MORN1: variants seen among roughly 807,000 people sequenced by gnomAD.
The protein encoded by MORN1 is MORN repeat containing 1, also known as MORN repeat-containing protein 1.
MORN1 carries 67 observed loss-of-function variants against 61.9 expected under a neutral mutation model. The observed-to-expected ratio is 1.08, with a 90% CI of 0.89 to 1.33. The LOEUF is 1.33. Among genes scored for constraint, MORN1 ranks in the 40% most tolerant of loss-of-function variants. MORN1 has a pLI of 0.00. For missense variants in MORN1, 752 were observed against 691.2 expected (o/e 1.09, Z -0.99); for synonymous variants, 301 against 292.0 (o/e 1.03, Z -0.31).
Position 2,366,749 on chromosome 1 carries a change from T to C in MORN1, c.745+5732A>G, listed in dbSNP as rs1206090952. On this transcript the variant is annotated intron_variant, in intron 8 of 13. Coordinates refer to ENST00000378531, the MANE Select transcript of MORN1 (RefSeq NM_024848.3). Reference sequence around the variant, plus strand: ...TGGGGCTTCACCATGTTGGCCAGGCTGGTCTCAAACTCCTGACTTCAAGTG... The same window carrying C: ...TGGGGCTTCACCATGTTGGCCAGGCCGGTCTCAAACTCCTGACTTCAAGTG... Among the ~76,000 whole-genome samples, 8 of 152,234 alleles carry C rather than the reference T, an allele frequency of 5.3e-5. No individual in the cohort carries two copies. The East Asian group carries it at 1.2e-3, about 22-fold the overall frequency.
intron 6 of MORN1, among the ~76,000 whole-genome samples, chr1:2,380,737 G>A (rs1014767107): frequency 6.6e-6 from 1 of 152,030 alleles, no homozygotes; most frequent in Non-Finnish European, 1.5e-5. Flanking sequence ...AACTTCTTTT[G>A]TAGAGACAGG....
intron 10 of MORN1, among the ~76,000 whole-genome samples, chr1:2,345,993 GGAACCTTCCTCAGACAAAGCCA>G (rs1641507687): frequency 7.0e-6 from 1 of 141,930 alleles, no homozygotes; most frequent in Non-Finnish European, 1.6e-5. Context: ...AAAGCCACCA[GGAACCTTCCTCAGACAAAGCCA>G]CCAGGAACCT....
At chr1:2,385,255 C>A (rs992169536) in intron 5 of MORN1, 190 bp from the exon 6 acceptor site, 4 of 604,382 alleles carry the variant, frequency 6.6e-6, no homozygotes, top group Non-Finnish European at 1.2e-5. Context: ...GGTGGGGACA[C>A]GTCCGCCCAC....
At chr1:2,344,601 C>T (rs539409279) in intron 10 of MORN1, among the ~76,000 whole-genome samples, 140 of 152,304 alleles carry the variant, frequency 9.2e-4, no homozygotes, top group African/African-American at 3.2e-3. Context: ...CACACTGGTC[C>T]CTGCTGGCCT....
At chr1:2,381,121 A>C (rs113159605) in intron 6 of MORN1, among the ~76,000 whole-genome samples, 10 of 152,244 alleles carry the variant, frequency 6.6e-5, no homozygotes, top group African/African-American at 2.2e-4. Flanking sequence ...CCAGAGTCCA[A>C]GGGACAGACC....
chr1:2,322,275 C>A, intron 13 of MORN1: 2 of 985,500 alleles, frequency 2.0e-6, no homozygotes, highest in Non-Finnish European at 2.4e-6. Context: ...CTCCCCTCCC[C>A]TGAGCCTGCC....
At chr1:2,342,135 T>C (rs1641407686) in intron 10 of MORN1, among the ~76,000 whole-genome samples, 1 of 152,378 alleles carries the variant, frequency 6.6e-6, no homozygotes, top group East Asian at 1.9e-4. Flanking sequence ...CCGTACGACC[T>C]CGGGGGCCTC....
chr1:2,321,945 T>G, intron 13 of MORN1: 1 of 922,384 alleles, frequency 1.1e-6, no homozygotes, highest in Non-Finnish European at 1.3e-6. Context: ...CCCTGAAGGA[T>G]TCTTTTGCAA....
In MORN1 at chr1:2,335,812, G is replaced by A. The variant is rs140520123; in HGVS notation, c.1250+657C>T. ...CGGGTCCCCAGGGCACATCAGCGGG[G>A]GCCTCCTCGCCTCCATAGCCCAGCC... On this transcript the variant is annotated intron_variant, in intron 12 of 13. Transcript: ENST00000378531. Among the ~76,000 whole-genome samples the A allele has an allele frequency of 8.3e-3, 1,171 of 141,846 alleles. 24 individuals are homozygous for A. Among genetic ancestry groups the A allele is most frequent in the African/African-American group, 0.035 (1,107 of 31,580 alleles). The allele number at this position is 141,846 out of a possible 152,430, so 93.1% of individuals were successfully genotyped here.
intron 8 of MORN1, among the ~76,000 whole-genome samples, chr1:2,365,592 A>T (rs962613619): frequency 1.3e-5 from 2 of 149,704 alleles, no homozygotes; most frequent in Non-Finnish European, 3.0e-5. Flanking sequence ...TTCCAACACT[A>T]TGTTGAATAG....
At chr1:2,336,942 C>T (rs910079903) in intron 10 of MORN1, 92 bp from the exon 11 acceptor site, 15 of 1,337,898 alleles carry the variant, frequency 1.1e-5, no homozygotes, top group Non-Finnish European at 1.4e-5. Context: ...TGGCTCTGGC[C>T]AGGGCAGCGG....
At chr1:2,355,649 G>A (rs988569337) in intron 10 of MORN1, among the ~76,000 whole-genome samples, 4 of 152,214 alleles carry the variant, frequency 2.6e-5, no homozygotes, top group African/African-American at 9.7e-5. Context: ...GGAACCTTAG[G>A]GAGAACTCGG....
At chr1:2,378,984 T>C (rs1186507517) in intron 6 of MORN1, 3 of 470,092 alleles carry the variant, frequency 6.4e-6, no homozygotes, top group South Asian at 4.6e-5. Context: ...GAAGAAGCTG[T>C]AACACGTTTA....
intron 2 of MORN1, chr1:2,388,556 G>A (rs1398338981): frequency 2.0e-6 from 1 of 507,196 alleles, no homozygotes; most frequent in Non-Finnish European, 3.5e-6. Flanking sequence ...GCCAGAACAA[G>A]CACAGGAATC....
At chr1:2,326,984 G>A (rs1641039405) in intron 12 of MORN1, among the ~76,000 whole-genome samples, 1 of 152,158 alleles carries the variant, frequency 6.6e-6, no homozygotes, top group African/African-American at 2.4e-5. Context: ...ACACACTGGC[G>A]CCCACACAGA....
chr1:2,327,121 GAAAC>G (rs1371286320), intron 12 of MORN1, among the ~76,000 whole-genome samples: 18 of 144,654 alleles, frequency 1.2e-4, no homozygotes, highest in Non-Finnish European at 9.1e-5. Flanking sequence ...CAGAAACACA[GAAAC>G]AAACACAGAA....
intron 10 of MORN1, among the ~76,000 whole-genome samples, chr1:2,347,415 G>A (rs1239748852): frequency 1.3e-5 from 2 of 152,162 alleles, no homozygotes; most frequent in Admixed American, 6.5e-5. Context: ...AGCAGGGTAT[G>A]GGGCACTCCA....
intron 12 of MORN1, among the ~76,000 whole-genome samples, chr1:2,326,961 A>G (rs1641038707): frequency 6.6e-6 from 1 of 152,224 alleles, no homozygotes; most frequent in Non-Finnish European, 1.5e-5. Context: ...GTCCCCACAG[A>G]CGCGCGCTGT....
chr1:2,348,412 ACTC>A lies in MORN1; in HGVS notation c.1036+9017_1036+9019del, dbSNP rs561914573. On this transcript the variant is annotated intron_variant, in intron 10 of 13. Transcript: ENST00000378531. Reference sequence around the variant, plus strand: ...GGTGGCGCGTCTCCGTGGGGAGCTGACTCCTCCTCCCTCTGCCCTCCATGGGGG... The same window carrying A: ...GGTGGCGCGTCTCCGTGGGGAGCTGACTCCTCCCTCTGCCCTCCATGGGGG... 4.0e-5 allele frequency among the ~76,000 whole-genome samples: 6 copies of A among 151,024 alleles called. No individual in the cohort carries two copies. In the East Asian group the frequency reaches 9.8e-4, roughly 25 times the overall value.
Sources: allele counts gnomAD v4.1 joint callset (sites outside exome capture counted in the v4.1 genomes callset), GRCh38; gene constraint gnomAD v4.1.1; transcripts MANE v1.5; gene names NCBI Gene and HGNC (gene_info 2026-07-23, HGNC 2026-07-21).